CCDC18: variants seen among roughly 807,000 people sequenced by gnomAD.
CCDC18 encodes coiled-coil domain-containing protein 18.
CCDC18 carries 157 observed loss-of-function variants against 196.0 expected under a neutral mutation model. That is an observed-to-expected ratio of 0.80 (90% CI 0.70 to 0.91). CCDC18 has a LOEUF of 0.91. Among genes scored for constraint, CCDC18 ranks in the 40% least tolerant of loss-of-function variants. The pLI is 0.00. For missense variants in CCDC18, 1,465 were observed against 1,611.6 expected (o/e 0.91, Z 1.56); for synonymous variants, 482 against 529.2 (o/e 0.91, Z 1.22).
intron 28 of CCDC18, among the ~76,000 whole-genome samples, chr1:93,273,075 C>CTT (rs546083180): frequency 8.2e-5 from 12 of 146,922 alleles, no homozygotes; most frequent in African/African-American, 1.0e-4. Flanking sequence ...CTTTTCTTTT[C>CTT]TTTTTTTTTT....
chr1:93,246,849 G>A lies in CCDC18; in HGVS notation c.3093G>A (p.Leu1031=). Residue 1031 remains leucine, a synonymous_variant, in exon 23 of 29, where the codon TTG becomes TTA. Coordinates refer to ENST00000690025, the MANE Select transcript of CCDC18 (RefSeq NM_001378204.1). The stretch of plus-strand genomic sequence containing the variant: ...AGGTTATTTTTTAGGTTACACATTT[G>A]GATATGACTATTCGTGAGCACAGAG... The part of the protein sequence containing the change: ...LKQRAAQVTH[L]DMTIREHRGE... 6.8e-7 allele frequency: 1 copy of A among 1,465,380 alleles called. No homozygotes were observed. The highest frequency in any genetic ancestry group is 9.5e-7 in the Non-Finnish European group (1 of 1,055,104). 90.8% of individuals were successfully genotyped at this position (1,465,380 alleles called of 1,614,324 possible). A position where few individuals can be genotyped will look rare whatever the true frequency, so the allele number is the denominator to read the frequency against.
Position 93,250,719 on chromosome 1 carries a change from CTTCT to C in CCDC18, c.3199-3749_3199-3746del, listed in dbSNP as rs758108397. Among the ~76,000 whole-genome samples, 13 of 152,176 alleles carry C rather than the reference CTTCT, an allele frequency of 8.5e-5. No homozygotes were observed. The East Asian group carries it at 9.6e-4, about 11-fold the overall frequency. ...GACACATTTATCATTAAATACTGGC[CTTCT>C]TTGTCTCTTTCTACTGTCTTTGATC... On this transcript the variant is annotated intron_variant, in intron 23 of 28. Coordinates refer to ENST00000690025, the MANE Select transcript of CCDC18 (RefSeq NM_001378204.1).
chr1:93,214,715 A>C, intron 11 of CCDC18, 28 bp from the exon 12 acceptor site: 1 of 1,523,322 alleles, frequency 6.6e-7, no homozygotes, highest in South Asian at 1.1e-5. Context: ...AGTCCTATTC[A>C]GAACAATTTT....
At chr1:93,229,933 A>T (rs942168934) in intron 17 of CCDC18, among the ~76,000 whole-genome samples, 2 of 152,162 alleles carry the variant, frequency 1.3e-5, no homozygotes, top group African/African-American at 4.8e-5. Context: ...CAGTCGTTTC[A>T]TTGATAAATA....
chr1:93,183,988 A>C lies in CCDC18; in HGVS notation c.145A>C (p.Ser49Arg), dbSNP rs537114111. The change falls in exon 3 of 29, where the codon AGT becomes CGT. Residue 49 changes from serine (S) to arginine (R), a missense_variant. By Grantham distance (110) the Ser-to-Arg change is moderately radical. Transcript: ENST00000690025. ...TTCTTTTTTCTCTAGTGTTAGTCCAAGTGAAAATTCTGATTATGCCCCTAA... is the reference window on the plus strand; with the variant it reads ...TTCTTTTTTCTCTAGTGTTAGTCCACGTGAAAATTCTGATTATGCCCCTAA... Reference protein sequence around the residue: ...LGEELSSVSPSENSDYAPNPS... With the variant: ...LGEELSSVSPRENSDYAPNPS... 34 of 1,534,300 alleles carry C rather than the reference A, an allele frequency of 2.2e-5. No individual in the cohort carries two copies. The highest frequency in any genetic ancestry group is 2.2e-4 in the Admixed American group (12 of 55,640).
intron 28 of CCDC18, among the ~76,000 whole-genome samples, chr1:93,278,187 C>T (rs569767516): frequency 6.6e-6 from 1 of 152,166 alleles, no homozygotes; most frequent in South Asian, 2.1e-4. Flanking sequence ...AGGGTTTCAC[C>T]ATGTTGGCCA....
chr1:93,267,940 T>A (rs1180106677), intron 27 of CCDC18, among the ~76,000 whole-genome samples: 1 of 152,100 alleles, frequency 6.6e-6, no homozygotes, highest in Non-Finnish European at 1.5e-5. Flanking sequence ...ACAACTACCT[T>A]AAAGTTCATA....
chr1:93,259,193 A>T (rs1345130878), intron 26 of CCDC18, among the ~76,000 whole-genome samples: 1 of 152,212 alleles, frequency 6.6e-6, no homozygotes, highest in Non-Finnish European at 1.5e-5. Flanking sequence ...ACTGTGGTGA[A>T]TATTAAATGA....
intron 17 of CCDC18, among the ~76,000 whole-genome samples, chr1:93,227,408 T>C (rs1484906699): frequency 6.6e-6 from 1 of 151,608 alleles, no homozygotes; most frequent in African/African-American, 2.4e-5. Flanking sequence ...ACTCAGGCAA[T>C]CCTGCCACCT....
At chr1:93,252,001 T>TTATCTATCTGTCTGTC (rs1344366648) in intron 23 of CCDC18, among the ~76,000 whole-genome samples, 9 of 135,082 alleles carry the variant, frequency 6.7e-5, no homozygotes, top group African/African-American at 3.0e-4. Flanking sequence ...TGTAGTCTAT[T>TTATCTATCTGTCTGTC]TATCTATCTA....
intron 12 of CCDC18, 59 bp downstream of exon 12, chr1:93,215,025 AT>A (rs1201290137): frequency 1.8e-6 from 2 of 1,096,476 alleles, no homozygotes; most frequent in African/African-American, 1.6e-5. Flanking sequence ...AAAAGGTATT[AT>A]TTTAGGGTTT....
chr1:93,245,315 C>T (rs1314706361), intron 21 of CCDC18, among the ~76,000 whole-genome samples: 3 of 151,996 alleles, frequency 2.0e-5, no homozygotes, highest in African/African-American at 7.2e-5. Flanking sequence ...TAGTTTTAGC[C>T]TTGTGTTATA....
chr1:93,208,743 C>T (rs1192306440), intron 9 of CCDC18, among the ~76,000 whole-genome samples: 2 of 151,544 alleles, frequency 1.3e-5, no homozygotes, highest in South Asian at 2.1e-4. Flanking sequence ...CTTGGCTCAT[C>T]GCAACCTCTG....
chr1:93,227,217 C>T (rs1658506779), intron 17 of CCDC18, among the ~76,000 whole-genome samples: 4 of 119,858 alleles, frequency 3.3e-5, no homozygotes, highest in South Asian at 2.6e-4. Context: ...CTTGCTCTGT[C>T]GCCCAGGCTC....
chr1:93,207,612 A>G lies in CCDC18; in HGVS notation c.1209+214A>G, dbSNP rs566386977. On this transcript the variant is annotated intron_variant, in intron 9 of 28. Coordinates refer to ENST00000690025, the MANE Select transcript of CCDC18 (RefSeq NM_001378204.1). ...CTCAGATGCCATATATAAGAATGGC[A>G]CAGAATTTTTTTTAAACAGCTTTGT... is the stretch of plus-strand genomic sequence containing the variant. 2.0e-5 allele frequency among the ~76,000 whole-genome samples: 3 copies of G among 152,234 alleles called. No individual in the cohort carries two copies. The East Asian group carries it at 5.8e-4, about 29-fold the overall frequency.
chr1:93,213,475 C>G (rs1366483362), intron 11 of CCDC18, among the ~76,000 whole-genome samples: 1 of 150,896 alleles, frequency 6.6e-6, no homozygotes, highest in Non-Finnish European at 1.5e-5. Flanking sequence ...TTTTAGACCT[C>G]TTTTCTTTTC....
chr1:93,273,944 C>G (rs1343449597), intron 28 of CCDC18, among the ~76,000 whole-genome samples: 1 of 152,132 alleles, frequency 6.6e-6, no homozygotes, highest in Non-Finnish European at 1.5e-5. Context: ...ATAATAGTAC[C>G]TAATAGTTCT....
In CCDC18 at chr1:93,239,739, C is replaced by G. The variant is rs1362651709; in HGVS notation, c.2824C>G (p.Gln942Glu). ...TGAAACTGAACTAACAGAAGCCTTG[C>G]AAAAACGGGAAGTACTTGAGACTGA... The part of the protein sequence containing the change: ...STETELTEAL[Q>E]KREVLETELQ... The change falls in exon 21 of 29, where the codon CAA becomes GAA. Residue 942 changes from glutamine (Q) to glutamate (E), a missense_variant. By Grantham distance (29) the Gln-to-Glu change is conservative. Coordinates refer to ENST00000690025, the MANE Select transcript of CCDC18 (RefSeq NM_001378204.1). The G allele has an allele frequency of 1.2e-6, 2 of 1,613,654 alleles. No homozygotes were observed. The highest frequency in any genetic ancestry group is 4.5e-5 in the East Asian group (2 of 44,816).
rs1396917012 is a variant in CCDC18, at chr1:93,239,345, A to C, written c.2639A>C (p.Glu880Ala). ...VKIEMDQYKEELSKMEKEIMH... is the reference protein window; with the variant it reads ...VKIEMDQYKEALSKMEKEIMH... ...ATTGAGATGGATCAGTACAAAGAAG[A>C]GCTGTCTAAAATGGAAAAGGAAATA... Residue 880 changes from glutamate (E) to alanine (A), a missense_variant, in exon 20 of 29, where the codon GAG (glutamate) becomes GCG (alanine). Coordinates refer to ENST00000690025, the MANE Select transcript of CCDC18 (RefSeq NM_001378204.1). The C allele has an allele frequency of 6.2e-7, 1 of 1,612,974 alleles. No homozygotes were observed.
Sources: allele counts gnomAD v4.1 joint callset (sites outside exome capture counted in the v4.1 genomes callset), GRCh38; gene constraint gnomAD v4.1.1; transcripts MANE v1.5; gene names NCBI Gene and HGNC (gene_info 2026-07-23, HGNC 2026-07-21).